The following RAP1GAP2 variants were observed in gnomAD, a reference collection of about 807,000 sequenced individuals.
RAP1GAP2 encodes the protein RAP1 GTPase activating protein 2.
A neutral mutation model predicts 95.0 loss-of-function variants in RAP1GAP2; 27 were observed. The ratio of observed to expected loss-of-function variants is 0.28; its 90% CI spans 0.21 to 0.39. The LOEUF is 0.39. RAP1GAP2 is among the 10% of genes least tolerant of loss of function. RAP1GAP2 has a pLI of 1.00. For missense variants in RAP1GAP2, 771 were observed against 970.0 expected, an observed-to-expected ratio of 0.79 and a Z score of 2.72; for synonymous variants, 373 against 380.9, an observed-to-expected ratio of 0.98 and a Z score of 0.24.
At chr17:2,770,870 G>A (rs769420154) in intron 2 of RAP1GAP2, among the ~76,000 whole-genome samples, 13 of 152,050 alleles carry the variant, frequency 8.5e-5, no homozygotes, top group African/African-American at 1.2e-4. Context: ...GTGAAAACTC[G>A]TCTCTACTAA....
At chr17:2,824,471 G>A (rs1252896635) in intron 2 of RAP1GAP2, among the ~76,000 whole-genome samples, 2 of 150,290 alleles carry the variant, frequency 1.3e-5, no homozygotes, top group Non-Finnish European at 3.0e-5. Flanking sequence ...GTCCGGGCAT[G>A]GTGGCTCACG....
At chr17:3,006,433 C>T (rs530042703) in intron 16 of RAP1GAP2, among the ~76,000 whole-genome samples, 2 of 140,142 alleles carry the variant, frequency 1.4e-5, no homozygotes, top group African/African-American at 5.4e-5. Flanking sequence ...CCTGGCCAAT[C>T]AGTCCTTTTT....
chr17:2,878,688 C>T (rs1232150333), intron 2 of RAP1GAP2, among the ~76,000 whole-genome samples: 2 of 152,208 alleles, frequency 1.3e-5, no homozygotes, highest in Non-Finnish European at 2.9e-5. Flanking sequence ...GCCTGTGGGC[C>T]CATGAGGGAA....
chr17:2,971,274 A>G (rs1427719896), intron 8 of RAP1GAP2, among the ~76,000 whole-genome samples: 1 of 152,248 alleles, frequency 6.6e-6, no homozygotes, highest in Non-Finnish European at 1.5e-5. Context: ...GAAGTAAACA[A>G]TCCCAATACT....
intron 1 of RAP1GAP2, 136 bp from the exon 2 acceptor site, chr17:2,800,379 C>G (rs1428964222): frequency 2.3e-6 from 3 of 1,319,912 alleles, no homozygotes; most frequent in Non-Finnish European, 3.1e-6. Flanking sequence ...TAGCGGAGAA[C>G]TGGCCCCTTT....
chr17:3,020,940 G>C (rs1346955198), intron 19 of RAP1GAP2, among the ~76,000 whole-genome samples: 2 of 152,212 alleles, frequency 1.3e-5, no homozygotes, highest in Non-Finnish European at 2.9e-5. Flanking sequence ...GGCAGAGTTA[G>C]TTGCACCTTC....
intron 1 of RAP1GAP2, among the ~76,000 whole-genome samples, chr17:2,780,121 G>C (rs916298892): frequency 1.2e-4 from 19 of 152,164 alleles, no homozygotes; most frequent in African/African-American, 4.6e-4. Context: ...CGCGATCTCG[G>C]CTCACCGCAA....
upstream of RAP1GAP2, among the ~76,000 whole-genome samples, chr17:2,773,078 G>A (rs1056409985): frequency 2.6e-5 from 4 of 151,868 alleles, no homozygotes; most frequent in East Asian, 3.9e-4. Flanking sequence ...GGCTGGTCTC[G>A]AACTCCTCGA....
At chr17:2,994,296 T>TAAAAATTA in intron 12 of RAP1GAP2, among the ~76,000 whole-genome samples, 1 of 152,324 alleles carries the variant, frequency 6.6e-6, no homozygotes, top group East Asian at 1.9e-4. Flanking sequence ...GTGTTGGGGA[T>TAAAAATTA]GCTGAGATTC....
At chr17:2,993,401 G>T (rs543175484) in intron 12 of RAP1GAP2, among the ~76,000 whole-genome samples, 1 of 148,856 alleles carries the variant, frequency 6.7e-6, no homozygotes, top group Non-Finnish European at 1.5e-5. Flanking sequence ...GTGAAACCAC[G>T]TCTCTACTAA....
intron 1 of RAP1GAP2, among the ~76,000 whole-genome samples, chr17:2,789,622 A>C (rs1166385381): frequency 6.7e-6 from 1 of 150,180 alleles, no homozygotes; most frequent in Non-Finnish European, 1.5e-5. Context: ...AAAAAAAAAA[A>C]AAAAAAAACA....
intron 1 of RAP1GAP2, among the ~76,000 whole-genome samples, chr17:2,780,099 G>T (rs111273483): frequency 0.027 from 4,177 of 152,284 alleles, 190 homozygotes; most frequent in African/African-American, 0.095. Flanking sequence ...TGTCCAGGCT[G>T]GAGTGCAGTG....
At chr17:2,774,004 T>G (rs1182997021), upstream of RAP1GAP2, among the ~76,000 whole-genome samples, 1 of 152,066 alleles carries the variant, frequency 6.6e-6, no homozygotes, top group African/African-American at 2.4e-5. Context: ...GTGATCTGCC[T>G]GCCTCGGCCT....
chr17:2,979,815 G>A (rs2045283769), intron 8 of RAP1GAP2, among the ~76,000 whole-genome samples: 1 of 152,166 alleles, frequency 6.6e-6, no homozygotes, highest in Non-Finnish European at 1.5e-5. Context: ...GTAGGATTCC[G>A]TTTTCCCACA....
In RAP1GAP2 at chr17:2,855,463, G is replaced by A. The variant is rs1409466627; in HGVS notation, c.81-49821G>A. ...TGAGTGGGGAACAGTTGCCTGGCTA[G>A]AACTTAGGTTGTTTTTGTTTTTGTT... On this transcript the variant is annotated intron_variant, in intron 2 of 24. Coordinates refer to ENST00000254695, the MANE Select transcript of RAP1GAP2 (RefSeq NM_015085.5). This position sits in a 1 kb window ranked among gnomAD's most constrained non-coding sequence, Gnocchi z 4.3. Among the ~76,000 whole-genome samples the A allele has an allele frequency of 6.6e-6, 1 of 152,154 alleles. No homozygotes were observed. Among genetic ancestry groups the A allele is most frequent in the Non-Finnish European group, 1.5e-5 (1 of 68,022 alleles).
intron 2 of RAP1GAP2, among the ~76,000 whole-genome samples, chr17:2,853,755 C>T (rs1176189674): frequency 6.8e-6 from 1 of 147,110 alleles, no homozygotes. Flanking sequence ...CTCGGAAATG[C>T]CCGCGCCGGG....
Position 2,965,250 on chromosome 17 carries a change from A to G in RAP1GAP2, c.493-290A>G. 1 of 436,882 alleles carries G rather than the reference A, an allele frequency of 2.3e-6. No homozygotes were observed. The highest frequency in any genetic ancestry group is 4.2e-6 in the Non-Finnish European group (1 of 237,804). The allele number at this position is 436,882 out of a possible 1,614,324, so 27.1% of individuals were successfully genotyped here. On this transcript the variant is annotated intron_variant, in intron 7 of 24. Coordinates refer to ENST00000254695, the MANE Select transcript of RAP1GAP2 (RefSeq NM_015085.5). This position sits in a 1 kb window ranked among gnomAD's most constrained non-coding sequence, Gnocchi z 4.7. ...TCGTGTCATCCTGGGCAGTGACTTA[A>G]CCCCCCGACCATTGGTTTTCCCATC...
upstream of RAP1GAP2, chr17:2,796,335 T>TG: frequency 3.2e-6 from 2 of 632,504 alleles, no homozygotes; most frequent in Middle Eastern, 8.6e-4. This position sits in a 1 kb window ranked among gnomAD's most constrained non-coding sequence, Gnocchi z 4.7. Context: ...CCTCCTGGAG[T>TG]GCAGGACACA....
chr17:2,940,300 C>T (rs1247726102), intron 3 of RAP1GAP2, among the ~76,000 whole-genome samples: 1 of 152,156 alleles, frequency 6.6e-6, no homozygotes, highest in Non-Finnish European at 1.5e-5. Context: ...ACAGACTCAG[C>T]ACCCGGGCCT....
Sources: allele counts gnomAD v4.1 joint callset (sites outside exome capture counted in the v4.1 genomes callset), GRCh38; gene constraint gnomAD v4.1.1; non-coding constraint Gnocchi (gnomAD v3.1); transcripts MANE v1.5; gene names NCBI Gene and HGNC (gene_info 2026-07-23, HGNC 2026-07-21).